Variants in RABGAP1L observed in about 807,000 individuals in gnomAD.
RABGAP1L encodes the protein RAB GTPase activating protein 1 like.
Under a neutral mutation model 137.7 loss-of-function variants are expected in RABGAP1L, and 63 were observed. The ratio of observed to expected loss-of-function variants is 0.46; its 90% confidence interval spans 0.37 to 0.56. RABGAP1L has a LOEUF of 0.56. Among genes scored for constraint, RABGAP1L ranks in the 20% least tolerant of loss-of-function variants. The pLI is 0.00. For synonymous variants in RABGAP1L, 431 were observed against 433.7 expected (o/e 0.99, Z 0.08); for missense variants, 1,095 against 1,244.0 (o/e 0.88, Z 1.80).
intron 13 of RABGAP1L, among the ~76,000 whole-genome samples, chr1:174,533,650 A>G (rs1664632733): frequency 6.6e-6 from 1 of 152,136 alleles, no homozygotes; most frequent in African/African-American, 2.4e-5. Flanking sequence ...TACATATAAC[A>G]TACGAAATAC....
chr1:174,615,447 G>A (rs908705810), intron 13 of RABGAP1L, among the ~76,000 whole-genome samples: 2 of 152,174 alleles, frequency 1.3e-5, no homozygotes, highest in Admixed American at 1.3e-4. Flanking sequence ...TTTTGTCTCA[G>A]AGGAGTACCC....
At chr1:174,636,099 C>A (rs1418021975) in intron 13 of RABGAP1L, among the ~76,000 whole-genome samples, 3 of 152,050 alleles carry the variant, frequency 2.0e-5, no homozygotes, top group Non-Finnish European at 4.4e-5. Context: ...ATTTTCTTGA[C>A]ATTTAAAAAG....
chr1:174,464,987 A>G (rs1308933829), intron 13 of RABGAP1L, among the ~76,000 whole-genome samples: 1 of 152,072 alleles, frequency 6.6e-6, no homozygotes, highest in East Asian at 1.9e-4. Context: ...CTAATTAATG[A>G]GCCCCAAAAT....
chr1:174,750,765 T>C (rs1313888284), intron 17 of RABGAP1L, among the ~76,000 whole-genome samples: 1 of 152,054 alleles, frequency 6.6e-6, no homozygotes, highest in African/African-American at 2.4e-5. Context: ...ACCAGAGAAA[T>C]AGTGGATCAG....
chr1:174,277,929 T>C (rs1349821352), intron 9 of RABGAP1L, among the ~76,000 whole-genome samples: 2 of 152,202 alleles, frequency 1.3e-5, no homozygotes, highest in African/African-American at 4.8e-5. Context: ...AGTTGATGAA[T>C]CTGAATGTTA....
At chr1:174,231,431 G>A (rs1473742445) in intron 4 of RABGAP1L, 76 bp downstream of exon 4, 1 of 1,320,126 alleles carries the variant, frequency 7.6e-7, no homozygotes, top group Non-Finnish European at 1.1e-6. Context: ...AGCATCATCA[G>A]GTGTAGAACT....
chr1:174,746,233 G>C (rs1683855743), intron 17 of RABGAP1L, among the ~76,000 whole-genome samples: 1 of 152,192 alleles, frequency 6.6e-6, no homozygotes, highest in South Asian at 2.1e-4. Context: ...ATCATGATCT[G>C]CACTTTGGAG....
chr1:174,420,224 G>GAT (rs1436166463), intron 13 of RABGAP1L, among the ~76,000 whole-genome samples: 1 of 146,410 alleles, frequency 6.8e-6, no homozygotes, highest in Non-Finnish European at 1.5e-5. Flanking sequence ...TTTTTAAATG[G>GAT]ATAGAGATGT....
At chr1:174,433,462 T>A (rs938161507) in intron 13 of RABGAP1L, among the ~76,000 whole-genome samples, 1 of 152,224 alleles carries the variant, frequency 6.6e-6, no homozygotes, top group Non-Finnish European at 1.5e-5. Flanking sequence ...TATTTTTGTC[T>A]CCATTTTTCT....
intron 12 of RABGAP1L, among the ~76,000 whole-genome samples, chr1:174,390,840 G>T (rs1202026450): frequency 6.6e-6 from 1 of 152,178 alleles, no homozygotes; most frequent in Non-Finnish European, 1.5e-5. Context: ...CCAGGTTAGG[G>T]AGAAGAAACT....
At chr1:174,197,800 A>G (rs369372451) in intron 1 of RABGAP1L, among the ~76,000 whole-genome samples, 10 of 145,306 alleles carry the variant, frequency 6.9e-5, no homozygotes, top group African/African-American at 2.5e-4. Flanking sequence ...AACTCCGTCT[A>G]AAAAAAAAAA....
chr1:174,583,671 A>C (rs74126845), intron 13 of RABGAP1L, among the ~76,000 whole-genome samples: 2 of 152,140 alleles, frequency 1.3e-5, no homozygotes. Flanking sequence ...CCGTGAATTC[A>C]TCTTAGAAGT....
Position 174,787,472 on chromosome 1 carries a change from A to G in RABGAP1L, c.2212-24360A>G, listed in dbSNP as rs1324982495. Reference sequence around the variant, plus strand: ...GAAAGATTAGCAAGACAAAACAAGGAATGATGTTTTAGGCAACAAGAACAA... The same window carrying G: ...GAAAGATTAGCAAGACAAAACAAGGGATGATGTTTTAGGCAACAAGAACAA... On this transcript the variant is annotated intron_variant, in intron 18 of 25. Coordinates refer to ENST00000681986, the MANE Select transcript of RABGAP1L (RefSeq NM_001366446.1). Among the ~76,000 whole-genome samples, 7 of 152,198 alleles carry G rather than the reference A, an allele frequency of 4.6e-5. No homozygotes were observed. In the East Asian group the frequency reaches 1.4e-3, roughly 29 times the overall value.
chr1:174,375,736 A>T (rs1685468670), intron 12 of RABGAP1L, among the ~76,000 whole-genome samples: 2 of 152,182 alleles, frequency 1.3e-5, no homozygotes, highest in South Asian at 4.1e-4. Context: ...AGAAAATTTG[A>T]GGCCAAAATG....
At chr1:174,232,655 C>T (rs1180310106) in intron 4 of RABGAP1L, among the ~76,000 whole-genome samples, 2 of 150,778 alleles carry the variant, frequency 1.3e-5, no homozygotes, top group Non-Finnish European at 3.0e-5. Context: ...TGGTGGCGGG[C>T]GCCTGTAGTC....
chr1:174,703,957 T>A lies in RABGAP1L; in HGVS notation c.2169+1701T>A, dbSNP rs575507076. Among the ~76,000 whole-genome samples, 11 of 152,284 alleles carry A rather than the reference T, an allele frequency of 7.2e-5. No homozygotes were observed. In the East Asian group the frequency reaches 1.9e-3, roughly 27 times the overall value. ...GTTGGTTTTTCTGTTGTCATTGAGT[T>A]GTTTAAAGATTTCTCTTTCTTTTCG... On this transcript the variant is annotated intron_variant, in intron 17 of 25. Transcript: ENST00000681986.
chr1:174,231,920 C>A (rs185839878), intron 4 of RABGAP1L, among the ~76,000 whole-genome samples: 16 of 152,264 alleles, frequency 1.1e-4, no homozygotes, highest in Admixed American at 8.5e-4. Context: ...TTGGAGATTA[C>A]AATTTGACAT....
intron 19 of RABGAP1L, chr1:174,877,556 A>G: frequency 3.7e-6 from 6 of 1,613,948 alleles, no homozygotes; most frequent in Non-Finnish European, 4.2e-6. Flanking sequence ...CAGCTGCACG[A>G]TGAAGACTTC....
chr1:174,682,851 G>A (rs1301023734), intron 14 of RABGAP1L, among the ~76,000 whole-genome samples: 3 of 152,192 alleles, frequency 2.0e-5, no homozygotes, highest in African/African-American at 7.2e-5. Flanking sequence ...TGACGTTAAA[G>A]CTGTGGAATA....
Sources: allele counts gnomAD v4.1 joint callset (sites outside exome capture counted in the v4.1 genomes callset), GRCh38; gene constraint gnomAD v4.1.1; transcripts MANE v1.5; gene names NCBI Gene and HGNC (gene_info 2026-07-23, HGNC 2026-07-21).